The following ANK3 variants were observed in gnomAD, a reference collection of about 807,000 sequenced individuals.
The protein encoded by ANK3 is ankyrin 3, also known as ankyrin-3.
ANK3 carries 57 observed loss-of-function variants against 370.9 expected under a neutral mutation model. The observed-to-expected ratio is 0.15, with a 90% CI of 0.12 to 0.19. The LOEUF is 0.19. Ranked by LOEUF, ANK3 falls within the 10% of genes least tolerant of loss-of-function variation. The pLI is 1.00. For synonymous variants in ANK3, 1,929 were observed against 1,946.3 expected (o/e 0.99, Z 0.23); for missense variants, 4,439 against 5,302.1 (o/e 0.84, Z 5.06).
intron 8 of ANK3, among the ~76,000 whole-genome samples, chr10:60,224,557 G>T (rs1713063940): frequency 1.3e-5 from 2 of 152,158 alleles, no homozygotes; most frequent in African/African-American, 4.8e-5. Flanking sequence ...AATTTGCTCA[G>T]TGTCACTGAA....
At chr10:60,303,874 A>ATGTG (rs1209216231) in intron 1 of ANK3, among the ~76,000 whole-genome samples, 7 of 134,928 alleles carry the variant, frequency 5.2e-5, no homozygotes, top group African/African-American at 2.1e-4. Flanking sequence ...TGTGGTGTAT[A>ATGTG]TATGTGTGTG....
intron 16 of ANK3, among the ~76,000 whole-genome samples, 200 bp downstream of exon 16, chr10:60,195,945 A>T (rs1202485125): frequency 6.6e-6 from 1 of 152,220 alleles, no homozygotes; most frequent in East Asian, 1.9e-4. Flanking sequence ...ATCAACTGAC[A>T]AGTAAATATT....
At chr10:60,430,619 G>C (rs1198152906) in intron 2 of ANK3, among the ~76,000 whole-genome samples, 1 of 152,096 alleles carries the variant, frequency 6.6e-6, no homozygotes. Context: ...GATGGGTATG[G>C]TTATCCTAGT....
chr10:60,161,912 A>G (rs376982755), intron 23 of ANK3, among the ~76,000 whole-genome samples: 1 of 152,228 alleles, frequency 6.6e-6, no homozygotes, highest in East Asian at 1.9e-4. Flanking sequence ...GTGGAACCAG[A>G]ATGTTCCAAA....
intron 2 of ANK3, among the ~76,000 whole-genome samples, chr10:60,405,509 T>C (rs2063436836): frequency 6.6e-6 from 1 of 152,110 alleles, no homozygotes; most frequent in East Asian, 1.9e-4. Flanking sequence ...GGGAATTGAC[T>C]GGGAAGGGAG....
intron 8 of ANK3, among the ~76,000 whole-genome samples, chr10:60,231,421 A>T (rs2097242918): frequency 6.6e-6 from 1 of 152,200 alleles, no homozygotes; most frequent in Non-Finnish European, 1.5e-5. Context: ...CACGGGGGAT[A>T]AGTGTGTACC....
intron 36 of ANK3, among the ~76,000 whole-genome samples, chr10:60,079,174 T>TACACACAC (rs58239281): frequency 0.21 from 24,056 of 113,450 alleles, 2,965 homozygotes; most frequent in Non-Finnish European, 0.25. Context: ...GCTACCTAGC[T>TACACACAC]ACACACACAC....
chr10:60,228,311 G>A (rs2097193544), intron 8 of ANK3, among the ~76,000 whole-genome samples: 2 of 151,976 alleles, frequency 1.3e-5, no homozygotes, highest in African/African-American at 2.4e-5. Context: ...CGAGGTGGGC[G>A]GATCACGAGG....
At chr10:60,213,816 C>T (rs1199280219) in intron 8 of ANK3, among the ~76,000 whole-genome samples, 1 of 152,056 alleles carries the variant, frequency 6.6e-6, no homozygotes, top group Non-Finnish European at 1.5e-5. Context: ...TGATGCTCAC[C>T]ATTAACAAAA....
At chr10:60,521,476 G>T (rs10994398) in intron 2 of ANK3, among the ~76,000 whole-genome samples, 19,937 of 152,038 alleles carry the variant, frequency 0.13, 1,480 homozygotes, top group Non-Finnish European at 0.17. Context: ...ATAAAGCCTG[G>T]AGTTCTGAGC....
chr10:60,562,064 C>A (rs1485978136), intron 2 of ANK3, among the ~76,000 whole-genome samples: 1 of 152,186 alleles, frequency 6.6e-6, no homozygotes, highest in Non-Finnish European at 1.5e-5. Context: ...GGCACTGGGG[C>A]AGAATCAAAA....
chr10:60,026,331 G>A lies in ANK3; in HGVS notation c.*3515C>T, dbSNP rs1410819383. 1.3e-5 allele frequency: 2 copies of A among 152,070 alleles called. No individual in the cohort carries two copies. Among genetic ancestry groups the A allele is most frequent in the African/African-American group, 4.8e-5 (2 of 41,390 alleles). 9.4% of individuals were successfully genotyped at this position (152,070 alleles called of 1,614,324 possible). ...TCAATCTTGTAAATGTTTACTTCTG[G>A]ACAATTTGATCAATTCATGAAACAG... On this transcript the variant is annotated 3_prime_UTR_variant, in exon 44 of 44. Transcript: ENST00000280772.
rs111442272 is a variant in ANK3, at chr10:60,308,629, G to A, written c.115-28990C>T. ...GGACCATGAGGTCAAGGACTCAACA[G>A]GCTGAGGGAGGGGAGGAGGGAAAGT... On this transcript the variant is annotated intron_variant, in intron 1 of 43. Coordinates refer to ENST00000280772, the MANE Select transcript of ANK3 (RefSeq NM_020987.5). 5.9e-3 allele frequency among the ~76,000 whole-genome samples: 899 copies of A among 152,218 alleles called. 8 individuals are homozygous for A. The highest frequency in any genetic ancestry group is 0.02 in the African/African-American group (833 of 41,542).
At chr10:60,095,895 C>T (rs2090021716) in intron 28 of ANK3, among the ~76,000 whole-genome samples, 1 of 152,078 alleles carries the variant, frequency 6.6e-6, no homozygotes, top group African/African-American at 2.4e-5. Flanking sequence ...TATCAGAGGC[C>T]GGGTACAGTG....
At chr10:60,408,833 C>G (rs542617208) in intron 2 of ANK3, among the ~76,000 whole-genome samples, 24 of 152,272 alleles carry the variant, frequency 1.6e-4, no homozygotes, top group African/African-American at 4.1e-4. Context: ...CTTCTTCCCC[C>G]CTCCCAAACC....
chr10:60,348,255 T>C (rs1219246060), intron 1 of ANK3, among the ~76,000 whole-genome samples: 1 of 150,350 alleles, frequency 6.7e-6, no homozygotes, highest in African/African-American at 2.5e-5. Flanking sequence ...CCATTCTAAG[T>C]CTAGGTGACA....
intron 2 of ANK3, among the ~76,000 whole-genome samples, chr10:60,484,205 C>A (rs1200909897): frequency 2.0e-5 from 3 of 152,036 alleles, no homozygotes; most frequent in Admixed American, 6.5e-5. Flanking sequence ...ATAAGGAAAA[C>A]TGAAAATCAT....
At chr10:60,621,080 C>T (rs1350470169) in intron 1 of ANK3, among the ~76,000 whole-genome samples, 2 of 152,186 alleles carry the variant, frequency 1.3e-5, no homozygotes, top group East Asian at 3.9e-4. Flanking sequence ...GACCTGCCTG[C>T]AATCTGCTCT....
intron 8 of ANK3, among the ~76,000 whole-genome samples, chr10:60,219,512 C>T (rs192768750): frequency 1.4e-3 from 209 of 152,192 alleles, no homozygotes; most frequent in African/African-American, 4.7e-3. Context: ...TGAGAGAGAG[C>T]TAGGCTTTTC....
Sources: allele counts gnomAD v4.1 joint callset (sites outside exome capture counted in the v4.1 genomes callset), GRCh38; gene constraint gnomAD v4.1.1; transcripts MANE v1.5; gene names NCBI Gene and HGNC (gene_info 2026-07-23, HGNC 2026-07-21).